The following GRM7 variants were observed in gnomAD, a reference collection of about 807,000 sequenced individuals.
GRM7 encodes metabotropic glutamate receptor 7.
Under a neutral mutation model 84.5 loss-of-function variants are expected in GRM7, and 35 were observed. That is an observed-to-expected ratio of 0.41 (90% confidence interval 0.32 to 0.55). The LOEUF (loss-of-function observed/expected upper bound fraction) is 0.55, where lower values mean the gene tolerates loss of function less well. Ranked by LOEUF, GRM7 falls within the 20% of genes least tolerant of loss-of-function variation. The pLI, the probability that GRM7 is intolerant of heterozygous loss-of-function variation, is 0.19. For missense variants in GRM7, 1,003 were observed against 1,194.6 expected, an observed-to-expected ratio of 0.84 and a Z score of 2.36; for synonymous variants, 487 against 455.1, an observed-to-expected ratio of 1.07 and a Z score of -0.89.
intron 2 of GRM7, among the ~76,000 whole-genome samples, chr3:7,169,182 A>G (rs921199697): frequency 5.5e-4 from 84 of 152,276 alleles, no homozygotes; most frequent in African/African-American, 1.9e-3. Flanking sequence ...GGGGTCATCA[A>G]ATGCATAGGG....
chr3:6,917,338 G>T (rs1034993541), intron 1 of GRM7, among the ~76,000 whole-genome samples: 2 of 148,206 alleles, frequency 1.3e-5, no homozygotes, highest in African/African-American at 5.1e-5. Flanking sequence ...TAAGTAAATT[G>T]TAAGTGATAA....
chr3:7,323,297 A>G (rs1667131851), intron 4 of GRM7, among the ~76,000 whole-genome samples: 1 of 152,162 alleles, frequency 6.6e-6, no homozygotes, highest in Admixed American at 6.5e-5. Flanking sequence ...GGGGAAAGGC[A>G]CAATAACTAC....
At chr3:7,142,065 C>G (rs1444127530) in intron 1 of GRM7, among the ~76,000 whole-genome samples, 1 of 151,832 alleles carries the variant, frequency 6.6e-6, no homozygotes, top group African/African-American at 2.4e-5. Flanking sequence ...TTTGTTTTGA[C>G]TTATAATGAC....
chr3:7,737,901 G>A (rs564699947), intron 9 of GRM7, among the ~76,000 whole-genome samples: 11 of 147,992 alleles, frequency 7.4e-5, no homozygotes, highest in South Asian at 4.3e-4. Flanking sequence ...AGGCTGGAGC[G>A]CAATGGTGCA....
chr3:7,550,275 T>G, intron 7 of GRM7, among the ~76,000 whole-genome samples: 2 of 47,770 alleles, frequency 4.2e-5, no homozygotes, highest in Admixed American at 2.4e-4. Context: ...CCCAACCCCC[T>G]CCTCCCCCTC....
intron 2 of GRM7, among the ~76,000 whole-genome samples, chr3:7,147,794 C>T (rs748805460): frequency 6.6e-6 from 1 of 152,144 alleles, no homozygotes; most frequent in Non-Finnish European, 1.5e-5. Flanking sequence ...TTCCTTCTGA[C>T]TTAACAAAGC....
chr3:7,685,771 T>C (rs1422126745), intron 9 of GRM7, among the ~76,000 whole-genome samples: 2 of 150,278 alleles, frequency 1.3e-5, no homozygotes, highest in African/African-American at 4.9e-5. Flanking sequence ...ACTGTCAATA[T>C]AAGGAGGTAT....
At chr3:7,060,017 A>C (rs956853292) in intron 1 of GRM7, among the ~76,000 whole-genome samples, 1 of 151,850 alleles carries the variant, frequency 6.6e-6, no homozygotes, top group South Asian at 2.1e-4. Context: ...GGCGAAGTCC[A>C]AAGGCTATTC....
At chr3:7,195,769 T>C (rs1695857124) in intron 2 of GRM7, among the ~76,000 whole-genome samples, 1 of 152,120 alleles carries the variant, frequency 6.6e-6, no homozygotes, top group South Asian at 2.1e-4. Context: ...AAGTCCATAC[T>C]GAGATACAAA....
At chr3:7,605,950 G>A (rs1696543674) in intron 8 of GRM7, among the ~76,000 whole-genome samples, 2 of 152,040 alleles carry the variant, frequency 1.3e-5, no homozygotes. Flanking sequence ...ATAAAAACAG[G>A]TAATCGGCCT....
At chr3:7,473,030 T>C (rs1273218999) in intron 7 of GRM7, among the ~76,000 whole-genome samples, 1 of 152,196 alleles carries the variant, frequency 6.6e-6, no homozygotes, top group Non-Finnish European at 1.5e-5. Flanking sequence ...AGCTCTCACA[T>C]TCTCTGGCTG....
intron 7 of GRM7, among the ~76,000 whole-genome samples, chr3:7,536,434 C>G (rs1470496407): frequency 6.6e-6 from 1 of 152,128 alleles, no homozygotes; most frequent in Non-Finnish European, 1.5e-5. Flanking sequence ...AGGACTAATT[C>G]TGGGGACATG....
chr3:6,927,499 A>AAGAT, intron 1 of GRM7, among the ~76,000 whole-genome samples: 1 of 147,622 alleles, frequency 6.8e-6, no homozygotes, highest in Non-Finnish European at 1.5e-5. Flanking sequence ...GAAAGAAAGA[A>AAGAT]AGAAAGAAAG....
intron 1 of GRM7, among the ~76,000 whole-genome samples, chr3:7,111,652 A>G (rs6777701): frequency 0.57 from 86,311 of 151,978 alleles, 26,180 homozygotes; most frequent in African/African-American, 0.79. Flanking sequence ...TAGACTCATT[A>G]TTTGATTATT....
chr3:7,306,346 A>T, intron 3 of GRM7, 152 bp from the exon 4 acceptor site: 1 of 611,126 alleles, frequency 1.6e-6, no homozygotes, highest in Non-Finnish European at 2.9e-6. Context: ...AAATATCTTT[A>T]TATATTAGGG....
At chr3:7,366,715 G>C (rs1352604834) in intron 4 of GRM7, among the ~76,000 whole-genome samples, 1 of 151,794 alleles carries the variant, frequency 6.6e-6, no homozygotes, top group Non-Finnish European at 1.5e-5. Context: ...AGAAGAGATT[G>C]AGAAAACTAT....
intron 2 of GRM7, among the ~76,000 whole-genome samples, chr3:7,209,731 G>T (rs919231344): frequency 6.6e-6 from 1 of 152,186 alleles, no homozygotes; most frequent in African/African-American, 2.4e-5. Context: ...ATACAAACCA[G>T]ATGCAAAGTG....
chr3:7,035,581 G>T (rs192569523), intron 1 of GRM7, among the ~76,000 whole-genome samples: 1 of 152,294 alleles, frequency 6.6e-6, no homozygotes, highest in East Asian at 1.9e-4. Flanking sequence ...AGAGATATCA[G>T]ACCATAATAA....
intron 1 of GRM7, among the ~76,000 whole-genome samples, chr3:6,953,561 C>T (rs1018175405): frequency 7.2e-5 from 11 of 152,218 alleles, no homozygotes; most frequent in African/African-American, 2.4e-4. Flanking sequence ...CTTTCATCCA[C>T]TCACGCTCTT....
Sources: allele counts gnomAD v4.1 joint callset (sites outside exome capture counted in the v4.1 genomes callset), GRCh38; gene constraint gnomAD v4.1.1; transcripts MANE v1.5; gene names NCBI Gene and HGNC (gene_info 2026-07-23, HGNC 2026-07-21).